Variants in UPF2 observed in about 807,000 individuals in gnomAD.
UPF2 encodes regulator of nonsense transcripts 2.
A neutral mutation model predicts 141.4 loss-of-function variants in UPF2; 17 were observed. The ratio of observed to expected loss-of-function variants is 0.12; its 90% CI spans 0.08 to 0.18. UPF2 has a LOEUF of 0.18. Ranked by LOEUF, UPF2 falls within the 10% of genes least tolerant of loss-of-function variation. The pLI is 1.00. For synonymous variants in UPF2, 540 were observed against 498.0 expected (o/e 1.08, Z -1.12); for missense variants, 1,152 against 1,515.9 (o/e 0.76, Z 3.99).
Position 11,931,644 on chromosome 10 carries a change from G to T in UPF2, c.3685C>A (p.Gln1229Lys). The change falls in exon 20 of 22, where the codon CAA becomes AAA. Residue 1229 changes from glutamine (Q) to lysine (K), a missense_variant. Around this residue, in one of 4 missense-constraint regions of UPF2, gnomAD observed 66 missense variants for 123.5 expected, o/e 0.53. Transcript: ENST00000357604. The surrounding 1 kb of genome is among the most constrained non-coding windows in gnomAD (Gnocchi z 5.9). ...TCTCTTATAGATGATTTTATACCTT[G>T]ATAATCTTCTTGTTCTTGCCGTTCA... ...INERQEQEDY[Q>K]EMLQSLAQRP... 6.3e-7 allele frequency: 1 copy of T among 1,597,914 alleles called. No homozygotes were observed. The highest frequency in any genetic ancestry group is 8.5e-7 in the Non-Finnish European group (1 of 1,176,062).
Position 11,953,086 on chromosome 10 carries a change from C to T in UPF2, c.2851-837G>A, listed in dbSNP as rs1833098726. Among the ~76,000 whole-genome samples the T allele has an allele frequency of 6.6e-6, 1 of 152,210 alleles. No individual in the cohort carries two copies. ...GGCATGGTGTGGATATTTTCCCTCTCTACTCCAAGCCTGGTTCCCACATTC... is the reference window on the plus strand; with the variant it reads ...GGCATGGTGTGGATATTTTCCCTCTTTACTCCAAGCCTGGTTCCCACATTC... On this transcript the variant is annotated intron_variant, in intron 14 of 21. Transcript: ENST00000357604. The surrounding 1 kb of genome is among the most constrained non-coding windows in gnomAD (Gnocchi z 5.0).
At chr10:11,947,211 C>T (rs78225916) in intron 16 of UPF2, among the ~76,000 whole-genome samples, 1,999 of 152,222 alleles carry the variant, frequency 0.013, 129 homozygotes, top group Admixed American at 0.098. Context: ...ACAACATCAA[C>T]AAAACCCAAA....
rs546533897 is a variant in UPF2 at position 12,019,698 on chromosome 10, G to A, written c.1146-5514C>T. Among the ~76,000 whole-genome samples, 2 of 152,206 alleles carry A rather than the reference G, an allele frequency of 1.3e-5. No homozygotes were observed. The highest frequency in any genetic ancestry group is 2.1e-4 in the South Asian group (1 of 4,828). On this transcript the variant is annotated intron_variant, in intron 3 of 21. Coordinates refer to ENST00000357604, the MANE Select transcript of UPF2 (RefSeq NM_015542.4). The surrounding 1 kb of genome is among the most constrained non-coding windows in gnomAD (Gnocchi z 4.5). ...CTGTCCAGAAGAATCTCTAAAGTAC[G>A]TCAGTCCTTGATTTTATGGAGTGTT...
At chr10:12,004,008 T>C (rs112437310) in intron 5 of UPF2, among the ~76,000 whole-genome samples, 15 of 145,214 alleles carry the variant, frequency 1.0e-4, no homozygotes, top group African/African-American at 3.6e-4. Flanking sequence ...GTAACCCGGG[T>C]GAGAGAGGAT....
chr10:11,924,472 C>A (rs532827442), intron 21 of UPF2, among the ~76,000 whole-genome samples: 17 of 151,894 alleles, frequency 1.1e-4, no homozygotes, highest in Admixed American at 9.2e-4. Context: ...CCCAGCCACT[C>A]GGGAGGCTAA....
rs556454025 is a variant in UPF2, at chr10:11,935,853, A to G, written c.3546+692T>C. ...GAGTAACAGCTTGGTAGAGGGGGAA[A>G]CGGTTTTGAGGGACCATCTTGTATG... is the stretch of plus-strand genomic sequence containing the variant. On this transcript the variant is annotated intron_variant, in intron 19 of 21. Coordinates refer to ENST00000357604, the MANE Select transcript of UPF2 (RefSeq NM_015542.4). The surrounding 1 kb of genome is among the most constrained non-coding windows in gnomAD (Gnocchi z 4.9). Among the ~76,000 whole-genome samples the G allele has an allele frequency of 2.0e-5, 3 of 152,232 alleles. No individual in the cohort carries two copies. In the East Asian group the frequency reaches 5.8e-4, roughly 29 times the overall value.
In UPF2 at chr10:11,937,155, G is replaced by GT. The variant is rs1290642561; in HGVS notation, c.3379-444dup. ...GTTACCCACAGCAGGAGTTCAGGGA[G>GT]TACTGAAGAATGAATGGAATCTATG... On this transcript the variant is annotated intron_variant, in intron 18 of 21. Transcript: ENST00000357604. 2.0e-5 allele frequency among the ~76,000 whole-genome samples: 3 copies of GT among 152,242 alleles called. No individual in the cohort carries two copies. The East Asian group carries it at 5.8e-4, about 29-fold the overall frequency.
At chr10:12,032,381 T>C (rs1250133555) in intron 2 of UPF2, among the ~76,000 whole-genome samples, 8 of 152,032 alleles carry the variant, frequency 5.3e-5, no homozygotes, top group Admixed American at 2.0e-4. Context: ...AAAACACTTA[T>C]ATATCGAAGT....
At chr10:11,957,792 T>C (rs11257449) in intron 12 of UPF2, among the ~76,000 whole-genome samples, 9,862 of 152,158 alleles carry the variant, frequency 0.065, 559 homozygotes, top group East Asian at 0.24. Flanking sequence ...TGTTGGCTCA[T>C]AGGCATGAGC....
At chr10:11,986,589 G>GA (rs1184323893) in intron 8 of UPF2, among the ~76,000 whole-genome samples, 3 of 151,966 alleles carry the variant, frequency 2.0e-5, no homozygotes, top group South Asian at 2.1e-4. Flanking sequence ...AAAATGCCTG[G>GA]AAAAAAATGA....
intron 3 of UPF2, among the ~76,000 whole-genome samples, chr10:12,022,551 C>A (rs1834337258): frequency 6.6e-6 from 1 of 152,138 alleles, no homozygotes; most frequent in Non-Finnish European, 1.5e-5. Flanking sequence ...GGTACTACTA[C>A]TACAGCAAAG....
At chr10:12,013,650 C>T (rs1834169736) in intron 4 of UPF2, among the ~76,000 whole-genome samples, 1 of 152,140 alleles carries the variant, frequency 6.6e-6, no homozygotes, top group Non-Finnish European at 1.5e-5. Flanking sequence ...CCTGAATGAA[C>T]TCATCATATT....
At chr10:11,965,867 T>C (rs1004573350) in intron 10 of UPF2, among the ~76,000 whole-genome samples, 1 of 152,188 alleles carries the variant, frequency 6.6e-6, no homozygotes, top group African/African-American at 2.4e-5. Context: ...AGACCTGTTT[T>C]GTGTGATATA....
intron 3 of UPF2, among the ~76,000 whole-genome samples, chr10:12,025,405 G>C (rs1418693021): frequency 6.6e-6 from 1 of 152,098 alleles, no homozygotes; most frequent in Non-Finnish European, 1.5e-5. Flanking sequence ...ACAAAAATTA[G>C]CTGGGTGTAG....
At chr10:11,954,633 C>CAAAA (rs199644138) in intron 14 of UPF2, among the ~76,000 whole-genome samples, 6 of 128,010 alleles carry the variant, frequency 4.7e-5, no homozygotes, top group African/African-American at 1.5e-4. Flanking sequence ...GACTTACTCT[C>CAAAA]AAAAAAAAAA....
intron 3 of UPF2, among the ~76,000 whole-genome samples, chr10:12,017,629 CCTAA>C (rs1196728345): frequency 6.6e-6 from 1 of 152,174 alleles, no homozygotes; most frequent in African/African-American, 2.4e-5. Context: ...CACTAACTTA[CCTAA>C]CTAATGAGTG....
At chr10:11,951,020 C>G (rs1162790584) in intron 15 of UPF2, among the ~76,000 whole-genome samples, 2 of 152,136 alleles carry the variant, frequency 1.3e-5, no homozygotes. Context: ...AGTGGGAAAT[C>G]AAACACTAGC....
intron 3 of UPF2, among the ~76,000 whole-genome samples, chr10:12,027,391 T>C (rs1293199708): frequency 6.6e-6 from 1 of 152,200 alleles, no homozygotes; most frequent in Non-Finnish European, 1.5e-5. Flanking sequence ...ATTAGCATAC[T>C]ATTAGCATAC....
At chr10:11,949,097 T>C (rs1288910846) in intron 15 of UPF2, among the ~76,000 whole-genome samples, 1 of 152,246 alleles carries the variant, frequency 6.6e-6, no homozygotes, top group Non-Finnish European at 1.5e-5. Flanking sequence ...TGGAACTCCC[T>C]GGCCTGAATT....
Sources: gnomAD v4.1 joint callset for allele counts (sites outside exome capture counted in the v4.1 genomes callset) on GRCh38, gnomAD v4.1.1 for gene constraint, gnomAD v4.1.1 regional missense constraint, Gnocchi (gnomAD v3.1) non-coding constraint, MANE v1.5 for transcripts, NCBI Gene and HGNC (gene_info 2026-07-23, HGNC 2026-07-21) for gene names.